The following GSTM1 variants were observed in gnomAD, a reference collection of about 807,000 sequenced individuals.
GSTM1 encodes the protein glutathione S-transferase mu 1, also known as GST HB subunit 4.
Under a neutral mutation model 17.3 loss-of-function variants are expected in GSTM1, and 6 were observed. The observed-to-expected ratio is 0.35, with a 90% CI of 0.19 to 0.68. The LOEUF is 0.68. Among genes scored for constraint, GSTM1 ranks in the 30% least tolerant of loss-of-function variants. The pLI, the probability that GSTM1 is intolerant of heterozygous loss-of-function variation, is 0.65. For missense variants in GSTM1, 62 were observed against 155.9 expected (o/e 0.40, Z 3.21); for synonymous variants, 20 against 53.6 (o/e 0.37, Z 2.74).
rs1309497134 is a variant in GSTM1 at position 109,691,259 on chromosome 1, G to A, written c.567+695G>A. 4.7e-5 allele frequency among the ~76,000 whole-genome samples: 2 copies of A among 42,116 alleles called. 1 individual carries two copies. The highest frequency in any genetic ancestry group is 1.4e-4 in the African/African-American group (2 of 13,986). The allele number at this position is 42,116 out of a possible 152,430, so 27.6% of individuals were successfully genotyped here. ...TTTTTTTTTTTTTTTTTGTGCTGGAGTCTTGCTCTGTTGCCCAGGCTGGAG... is the reference window on the plus strand; with the variant it reads ...TTTTTTTTTTTTTTTTTGTGCTGGAATCTTGCTCTGTTGCCCAGGCTGGAG... On this transcript the variant is annotated intron_variant, in intron 7 of 7. Transcript: ENST00000309851.
rs1452933660 is a variant in GSTM1, at chr1:109,690,083, G to A, written c.361-188G>A. 8.6e-5 allele frequency among the ~76,000 whole-genome samples: 7 copies of A among 81,414 alleles called. 3 individuals are homozygous for A. Among genetic ancestry groups the A allele is most frequent in the African/African-American group, 2.4e-4 (7 of 28,620 alleles). 53.4% of individuals were successfully genotyped at this position (81,414 alleles called of 152,430 possible). ...CTGCCTTCTGATCAGTTTAGATAGG[G>A]TCTGGCACTCAGTCAGAGTCTAATA... On this transcript the variant is annotated intron_variant, in intron 5 of 7. Transcript: ENST00000309851.
At position 109,688,886 on chromosome 1, in the gene GSTM1, C is replaced by T. The variant is rs114355895; in HGVS notation, c.177+149C>T. 1.7e-3 allele frequency: 822 copies of T among 485,590 alleles called. 261 individuals carry two copies. Among genetic ancestry groups the T allele is most frequent in the African/African-American group, 0.017 (744 of 45,054 alleles). The allele number at this position is 485,590 out of a possible 1,614,324, so 30.1% of individuals were successfully genotyped here. Reference sequence around the variant, plus strand: ...GTCTAAACAGTCCTTCCATGATGTTCTGTGTCCACCTGCATTCGTTCATGT... The same window carrying T: ...GTCTAAACAGTCCTTCCATGATGTTTTGTGTCCACCTGCATTCGTTCATGT... On this transcript the variant is annotated intron_variant, in intron 3 of 7. Coordinates refer to ENST00000309851, the MANE Select transcript of GSTM1 (RefSeq NM_000561.4).
intron 5 of GSTM1, 59 bp downstream of exon 5, chr1:109,689,384 C>A: frequency 2.1e-6 from 1 of 465,552 alleles, no homozygotes; most frequent in Non-Finnish European, 3.7e-6. Context: ...AGGACTCTTG[C>A]ATTCCTGCAC....
intron 2 of GSTM1, 186 bp downstream of exon 2, chr1:109,688,431 C>A: frequency 2.5e-6 from 1 of 398,596 alleles, no homozygotes. Context: ...GGATGCTGGG[C>A]CCCCTGTCTA....
chr1:109,688,034 C>A lies in GSTM1; in HGVS notation c.36+125C>A, dbSNP rs1647998066. ...CCCGCCTCAGAAGGGCCTGTGCATG[C>A]CGCTGTGTGTGTGTTGGGGGTGTGG... On this transcript the variant is annotated intron_variant, in intron 1 of 7. Transcript: ENST00000309851. 21 of 741,676 alleles carry A rather than the reference C, an allele frequency of 2.8e-5. 6 individuals carry two copies. Among genetic ancestry groups the A allele is most frequent in the East Asian group, 5.0e-5 (1 of 19,928 alleles). 45.9% of individuals were successfully genotyped at this position (741,676 alleles called of 1,614,324 possible). A position where few individuals can be genotyped will look rare whatever the true frequency, so the allele number is the denominator to read the frequency against.
intron 5 of GSTM1, among the ~76,000 whole-genome samples, chr1:109,689,975 G>A (rs1648055523): frequency 1.2e-5 from 1 of 81,842 alleles, no homozygotes; most frequent in Non-Finnish European, 3.2e-5. Flanking sequence ...GAGGCTGCCA[G>A]GTGCTTGGGC....
In GSTM1 at chr1:109,688,377, C is replaced by T. The variant is rs577939599; in HGVS notation, c.112+132C>T. 7.6e-6 allele frequency: 4 copies of T among 524,302 alleles called. 1 individual carries two copies. Among genetic ancestry groups the T allele is most frequent in the African/African-American group, 6.4e-5 (3 of 46,566 alleles). 32.5% of individuals were successfully genotyped at this position (524,302 alleles called of 1,614,324 possible). A position where few individuals can be genotyped will look rare whatever the true frequency, so the allele number is the denominator to read the frequency against. On this transcript the variant is annotated intron_variant, in intron 2 of 7. Transcript: ENST00000309851. ...TGCAGGCTGTCTCTTCCCTGAGCCC[C>T]GGTGAGGGAGCCCTCTGGCCTTGCA...
chr1:109,690,133 C>T, intron 5 of GSTM1, 138 bp from the exon 6 acceptor site: 1 of 353,926 alleles, frequency 2.8e-6, no homozygotes, highest in Non-Finnish European at 5.6e-6. Context: ...CAATTGAAGC[C>T]TGGGCACTGC....
At position 109,690,999 on chromosome 1, in the gene GSTM1, C is replaced by T. The variant is rs1459635862; in HGVS notation, c.567+435C>T. On this transcript the variant is annotated intron_variant, in intron 7 of 7. Coordinates refer to ENST00000309851, the MANE Select transcript of GSTM1 (RefSeq NM_000561.4). The stretch of plus-strand genomic sequence containing the variant: ...ACTTCATGACCATAGATGGAGCTGG[C>T]AATAGTAGGACTGACACAACGGTGA... Among the ~76,000 whole-genome samples the T allele has an allele frequency of 3.7e-5, 3 of 80,450 alleles. 1 individual carries two copies. The highest frequency in any genetic ancestry group is 1.1e-4 in the African/African-American group (3 of 28,290). 52.8% of individuals were successfully genotyped at this position (80,450 alleles called of 152,430 possible).
chr1:109,688,852 C>T (rs1648027067), intron 3 of GSTM1, 115 bp downstream of exon 3: 1 of 513,892 alleles, frequency 1.9e-6, no homozygotes, highest in Non-Finnish European at 3.3e-6. Flanking sequence ...ATTCCTCTCA[C>T]TCCTGGCTGT....
At position 109,688,776 on chromosome 1, in the gene GSTM1, A is replaced by G. The variant is rs111384689; in HGVS notation, c.177+39A>G. 2.9e-4 allele frequency: 216 copies of G among 752,162 alleles called. 85 individuals are homozygous for G. The Middle Eastern group carries it at 0.011, about 37-fold the overall frequency. 46.6% of individuals were successfully genotyped at this position (752,162 alleles called of 1,614,324 possible). A position where few individuals can be genotyped will look rare whatever the true frequency, so the allele number is the denominator to read the frequency against. On this transcript the variant is annotated intron_variant, in intron 3 of 7. Coordinates refer to ENST00000309851, the MANE Select transcript of GSTM1 (RefSeq NM_000561.4). Reference sequence around the variant, plus strand: ...AAGGGGCGGTTTTGGGGGAAAGTGCAACGTGTCTCTGACTGCATCTCCTCT... The same window carrying G: ...AAGGGGCGGTTTTGGGGGAAAGTGCGACGTGTCTCTGACTGCATCTCCTCT...
Position 109,690,677 on chromosome 1 carries a change from G to T in GSTM1, c.567+113G>T. ...AATAACTCGCATGTATTGAGTACTG[G>T]TTTCATGCCACGAACCGTGCCCAGC... On this transcript the variant is annotated intron_variant, in intron 7 of 7. Transcript: ENST00000309851. The T allele has an allele frequency of 8.0e-6, 6 of 753,588 alleles. 2 individuals are homozygous for T. Among genetic ancestry groups the T allele is most frequent in the Non-Finnish European group, 1.2e-5 (6 of 514,490 alleles). The allele number at this position is 753,588 out of a possible 1,614,324, so 46.7% of individuals were successfully genotyped here.
intron 5 of GSTM1, 44 bp from the exon 6 acceptor site, chr1:109,690,227 G>T: frequency 1.5e-6 from 1 of 686,954 alleles, no homozygotes; most frequent in South Asian, 1.9e-5. Context: ...CGTCTGTGCA[G>T]GGAGCTTTTG....
chr1:109,691,646 T>C (rs1570639938), intron 7 of GSTM1, among the ~76,000 whole-genome samples: 1 of 80,788 alleles, frequency 1.2e-5, no homozygotes, highest in African/African-American at 3.5e-5. Context: ...CAGTGGGAGA[T>C]GTATAGATGA....
In GSTM1 at chr1:109,690,326, C is replaced by T; in HGVS notation, c.416C>T (p.Ser139Leu). ...EELPEKLKLYSEFLGKRPWFA... is the reference protein window; with the variant it reads ...EELPEKLKLYLEFLGKRPWFA... ...CTCCCTGAAAAGCTAAAGCTCTACTCAGAGTTTCTGGGGAAGCGGCCATGG... is the reference window on the plus strand; with the variant it reads ...CTCCCTGAAAAGCTAAAGCTCTACTTAGAGTTTCTGGGGAAGCGGCCATGG... The change falls in exon 6 of 8, where the codon TCA (serine) becomes TTA (leucine). Residue 139 changes from serine to leucine, a missense_variant. Physicochemically the swap from Ser to Leu is moderately radical, Grantham distance 145. Coordinates refer to ENST00000309851, the MANE Select transcript of GSTM1 (RefSeq NM_000561.4). 2 of 797,676 alleles carry T rather than the reference C, an allele frequency of 2.5e-6. 1 individual carries two copies. The highest frequency in any genetic ancestry group is 3.6e-6 in the Non-Finnish European group (2 of 552,446). 49.4% of individuals were successfully genotyped at this position (797,676 alleles called of 1,614,324 possible). A position where few individuals can be genotyped will look rare whatever the true frequency, so the allele number is the denominator to read the frequency against.
At chr1:109,692,275 C>T (rs1331091024) in intron 7 of GSTM1, among the ~76,000 whole-genome samples, 1 of 78,672 alleles carries the variant, frequency 1.3e-5, no homozygotes, top group East Asian at 4.7e-4. Context: ...CCAGGGTGGT[C>T]TTGAACTCCT....
chr1:109,690,757 G>T lies in GSTM1; in HGVS notation c.567+193G>T, dbSNP rs1419946103. 2.4e-5 allele frequency among the ~76,000 whole-genome samples: 2 copies of T among 82,316 alleles called. 1 individual carries two copies. The highest frequency in any genetic ancestry group is 6.9e-5 in the African/African-American group (2 of 28,992). 54.0% of individuals were successfully genotyped at this position (82,316 alleles called of 152,430 possible). ...TTTATAACATTCCAGTAAGGTAACAGAATTATCTCGCCCATTTTAGAGATA... is the reference window on the plus strand; with the variant it reads ...TTTATAACATTCCAGTAAGGTAACATAATTATCTCGCCCATTTTAGAGATA... On this transcript the variant is annotated intron_variant, in intron 7 of 7. Transcript: ENST00000309851.
At position 109,692,520 on chromosome 1, in the gene GSTM1, G is replaced by C. The variant is rs1648121662; in HGVS notation, c.568-686G>C. 7.6e-5 allele frequency among the ~76,000 whole-genome samples: 6 copies of C among 79,354 alleles called. 3 individuals carry two copies. Among genetic ancestry groups the C allele is most frequent in the African/African-American group, 2.2e-4 (6 of 27,668 alleles). 52.1% of individuals were successfully genotyped at this position (79,354 alleles called of 152,430 possible). A position where few individuals can be genotyped will look rare whatever the true frequency, so the allele number is the denominator to read the frequency against. ...TTGGACTTTCTGCTTTAAGGGGAAT[G>C]TTTAGAGCCTAGTCTCGCCTTTGAT... On this transcript the variant is annotated intron_variant, in intron 7 of 7. Transcript: ENST00000309851.
intron 5 of GSTM1, 67 bp downstream of exon 5, chr1:109,689,392 C>A: frequency 2.2e-6 from 1 of 451,294 alleles, no homozygotes; most frequent in African/African-American, 2.3e-5. Flanking sequence ...TGCATTCCTG[C>A]ACACACTGGT....
Sources: allele counts gnomAD v4.1 joint callset (sites outside exome capture counted in the v4.1 genomes callset), GRCh38; gene constraint gnomAD v4.1.1; transcripts MANE v1.5; gene names NCBI Gene and HGNC (gene_info 2026-07-23, HGNC 2026-07-21).